The following PDE4C variants were observed in gnomAD, a reference collection of about 807,000 sequenced individuals.
The protein encoded by PDE4C is 3',5'-cyclic-AMP phosphodiesterase 4C.
A neutral mutation model predicts 63.9 loss-of-function variants in PDE4C; 50 were observed. That is an observed-to-expected ratio of 0.78 (90% CI 0.62 to 0.99). The LOEUF (loss-of-function observed/expected upper bound fraction) is 0.99. Ranked by LOEUF, PDE4C falls within the 50% of genes least tolerant of loss-of-function variation. PDE4C has a pLI of 0.00. For synonymous variants in PDE4C, 377 were observed against 385.1 expected, an observed-to-expected ratio of 0.98 and a Z score of 0.25; for missense variants, 777 against 899.1, an observed-to-expected ratio of 0.86 and a Z score of 1.74.
intron 1 of PDE4C, among the ~76,000 whole-genome samples, chr19:18,243,548 GGAGCATCACAT>G (rs1263391615): frequency 6.6e-6 from 1 of 152,154 alleles, no homozygotes; most frequent in East Asian, 1.9e-4. Flanking sequence ...CAATTTCGCT[GGAGCATCACAT>G]GAGTCCCAGA....
At position 18,220,462 on chromosome 19, in the gene PDE4C, G is replaced by A; in HGVS notation, c.553C>T (p.Leu185=). 1 of 1,614,170 alleles carries A rather than the reference G, an allele frequency of 6.2e-7. No homozygotes were observed. ...GTCTGCAGCGTCTCCAACTGATCCA[G>A]GCACCAGTCCAGCTCGTCTAGCGTC... Residue 185 remains leucine (L), a synonymous_variant, in exon 6 of 15, where the codon CTG becomes TTG. Coordinates refer to ENST00000262805, the Ensembl canonical transcript of PDE4C. The surrounding 1 kb of genome is among the most constrained non-coding windows in gnomAD (Gnocchi z 5.1).
At chr19:18,242,587 A>G (rs557416783) in intron 1 of PDE4C, among the ~76,000 whole-genome samples, 2 of 150,816 alleles carry the variant, frequency 1.3e-5, no homozygotes, top group Admixed American at 6.7e-5. Context: ...TTCAAGACCA[A>G]CCTGGCCAGC....
At chr19:18,250,377 C>T (rs369181921), upstream of PDE4C, 19 of 399,166 alleles carry the variant, frequency 4.8e-5, no homozygotes, top group East Asian at 2.8e-4. Context: ...ACAGCCATGA[C>T]CACAGACCCG....
chr19:18,255,084 C>G, the PDE4C span: 15 of 392,742 alleles, frequency 3.8e-5, no homozygotes, highest in Non-Finnish European at 5.8e-5. This position sits in a 1 kb window ranked among gnomAD's most constrained non-coding sequence, Gnocchi z 4.6. Flanking sequence ...GGGGGAAAAC[C>G]CAGCCTTCCT....
At chr19:18,240,894 G>A (rs1052699138) in intron 1 of PDE4C, among the ~76,000 whole-genome samples, 1 of 152,298 alleles carries the variant, frequency 6.6e-6, no homozygotes, top group African/African-American at 2.4e-5. Context: ...TATGAGTGGA[G>A]GGCCCTCTGA....
chr19:18,219,541 C>A (rs768437481), intron 7 of PDE4C, 144 bp from the exon 8 acceptor site: 66 of 919,364 alleles, frequency 7.2e-5, no homozygotes, highest in Non-Finnish European at 1.0e-4. Flanking sequence ...AAGACCCTGT[C>A]GGCCGGACGC....
Position 18,218,975 on chromosome 19 carries a change from G to A in PDE4C, c.934C>T (p.Arg312Trp), listed in dbSNP as rs11879710. 4.0e-3 allele frequency: 6,422 copies of A among 1,613,502 alleles called. 218 individuals carry two copies. The African/African-American group carries it at 0.071, about 18-fold the overall frequency. The stretch of plus-strand genomic sequence containing the variant: ...CTGAATATGATAGCTGTGAGGGGCC[G>A]GTTCCCACTTAGCTCCGCCACCTTG... The change falls in exon 9 of 15, where the codon CGG (arginine) becomes TGG (tryptophan). Residue 312 changes from arginine to tryptophan, a missense_variant. Around this residue, in one of 3 missense-constraint regions of PDE4C, gnomAD observed 500 missense variants for 597.8 expected, o/e 0.84. Transcript: ENST00000262805.
rs1198126049 is a variant in PDE4C, at chr19:18,233,423, A to G, written c.-232T>C. ...GTGCTGAAGGGTAGAACAGGGGAGA[A>G]GAACGTGGTGAGGGGGTGTTGAAGC... On this transcript the variant is annotated 5_prime_UTR_variant, in exon 1 of 15. Transcript: ENST00000594465. 13 of 704,776 alleles carry G rather than the reference A, an allele frequency of 1.8e-5. No homozygotes were observed. The East Asian group carries it at 2.7e-4, about 15-fold the overall frequency. 43.7% of individuals were successfully genotyped at this position (704,776 alleles called of 1,614,324 possible). A position where few individuals can be genotyped will look rare whatever the true frequency, so the allele number is the denominator to read the frequency against.
chr19:18,211,927 C>A, exon 14 of PDE4C: 1 of 1,614,130 alleles, frequency 6.2e-7, no homozygotes, highest in Non-Finnish European at 8.5e-7. Flanking sequence ...CACAGTGCAC[C>A]AGGTTCTGCA....
In PDE4C at chr19:18,211,283, C is replaced by T. The variant is rs371827307; in HGVS notation, c.1696-7G>A. 193 of 1,564,764 alleles carry T rather than the reference C, an allele frequency of 1.2e-4. No individual in the cohort carries two copies. Among genetic ancestry groups the T allele is most frequent in the Non-Finnish European group, 1.6e-4 (180 of 1,151,116 alleles). On this transcript the variant is annotated splice_region_variant and splice_polypyrimidine_tract_variant and intron_variant, in intron 14 of 14. Transcript: ENST00000262805. ...TGTAGTCAATGAAACCCACCTGTGG[C>T]GGGGGGTGGGGCATGTCGGCATTTG... is the stretch of plus-strand genomic sequence containing the variant.
chr19:18,233,494 G>T (rs1196973957), exon 1 of PDE4C: 2 of 645,566 alleles, frequency 3.1e-6, no homozygotes, highest in Non-Finnish European at 5.7e-6. Context: ...CCCGAAAACC[G>T]TCTGCCGTCC....
At chr19:18,240,556 T>C (rs1969019384) in intron 1 of PDE4C, among the ~76,000 whole-genome samples, 1 of 151,470 alleles carries the variant, frequency 6.6e-6, no homozygotes, top group Non-Finnish European at 1.5e-5. Flanking sequence ...TGAAACCCCA[T>C]CTGTACTGAA....
intron 1 of PDE4C, among the ~76,000 whole-genome samples, chr19:18,224,677 A>C (rs1301133524): frequency 6.6e-6 from 1 of 152,212 alleles, no homozygotes; most frequent in Admixed American, 6.5e-5. Flanking sequence ...GTCCGGCTAC[A>C]TGAGGGCTAG....
chr19:18,224,788 C>T lies in PDE4C; in HGVS notation c.146+1482G>A, dbSNP rs1002548435. Among the ~76,000 whole-genome samples, 12 of 152,240 alleles carry T rather than the reference C, an allele frequency of 7.9e-5. No homozygotes were observed. The South Asian group carries it at 8.3e-4, about 10-fold the overall frequency. On this transcript the variant is annotated intron_variant, in intron 1 of 14. Transcript: ENST00000262805. ...TGAACCCCACGGCCAGCCGAAGGGG[C>T]GGGGCTTCTTAACCCTTCCCTGGCC...
chr19:18,241,020 G>C (rs370687928), intron 1 of PDE4C, among the ~76,000 whole-genome samples: 4 of 151,952 alleles, frequency 2.6e-5, no homozygotes, highest in African/African-American at 7.2e-5. Flanking sequence ...ACTGTTCCCC[G>C]CATTTGAGCA....
upstream of PDE4C, among the ~76,000 whole-genome samples, chr19:18,236,578 G>T (rs575742786): frequency 3.2e-4 from 49 of 152,118 alleles, no homozygotes; most frequent in Non-Finnish European, 6.9e-4. Flanking sequence ...GAGCCCCCTC[G>T]ATGTGAGGTC....
At chr19:18,224,301 G>T in intron 1 of PDE4C, 1 of 985,486 alleles carries the variant, frequency 1.0e-6, no homozygotes, top group Non-Finnish European at 1.2e-6. Flanking sequence ...GGGACCGCCT[G>T]AGACTCGGAG....
intron 1 of PDE4C, among the ~76,000 whole-genome samples, chr19:18,223,489 C>T (rs989382964): frequency 1.1e-4 from 17 of 152,120 alleles, no homozygotes; most frequent in Non-Finnish European, 2.4e-4. Context: ...GGATTACAGG[C>T]GTGAGCCACC....
At chr19:18,253,142 G>A (rs1969250759), upstream of PDE4C, among the ~76,000 whole-genome samples, 1 of 152,110 alleles carries the variant, frequency 6.6e-6, no homozygotes, top group Non-Finnish European at 1.5e-5. Context: ...AGGCAGTGCT[G>A]GGCAGCTCCT....
Sources: allele counts gnomAD v4.1 joint callset (sites outside exome capture counted in the v4.1 genomes callset), GRCh38; gene constraint gnomAD v4.1.1; regional missense constraint gnomAD v4.1.1; non-coding constraint Gnocchi (gnomAD v3.1); transcripts MANE v1.5; gene names NCBI Gene and HGNC (gene_info 2026-07-23, HGNC 2026-07-21).